Variants in EBF3 observed in about 807,000 individuals in gnomAD.
EBF3 encodes transcription factor COE3.
In EBF3, 18 loss-of-function variants were observed where a neutral mutation model predicts 77.1. That is an observed-to-expected ratio of 0.23 (90% confidence interval 0.16 to 0.35). The LOEUF (loss-of-function observed/expected upper bound fraction) is 0.35. Ranked by LOEUF, EBF3 falls within the 10% of genes least tolerant of loss-of-function variation. The probability of loss-of-function intolerance (pLI) is 1.00; values close to 1 mark genes in which losing one functional copy is unlikely to be tolerated. For missense variants in EBF3, 558 were observed against 860.0 expected (o/e 0.65, Z 4.39); for synonymous variants, 350 against 343.5 (o/e 1.02, Z -0.21).
At position 129,861,770 on chromosome 10, in the gene EBF3, G is replaced by A. The variant is rs1851655563; in HGVS notation, c.1039+5371C>T. Among the ~76,000 whole-genome samples the A allele has an allele frequency of 6.6e-6, 1 of 152,136 alleles. No individual in the cohort carries two copies. The highest frequency in any genetic ancestry group is 1.5e-5 in the Non-Finnish European group (1 of 68,022). On this transcript the variant is annotated intron_variant, in intron 10 of 16. Coordinates refer to ENST00000440978, the MANE Select transcript of EBF3 (RefSeq NM_001375380.1). This position sits in a 1 kb window ranked among gnomAD's most constrained non-coding sequence, Gnocchi z 4.3. The stretch of plus-strand genomic sequence containing the variant: ...TCCAGGACCCATGAGGAAAGCATGT[G>A]GTTTACATGGAAGGAAGGCATTAGC...
At position 129,922,498 on chromosome 10, in the gene EBF3, A is replaced by G. The variant is rs567440239; in HGVS notation, c.554+34760T>C. Among the ~76,000 whole-genome samples, 3 of 152,314 alleles carry G rather than the reference A, an allele frequency of 2.0e-5. No homozygotes were observed. The East Asian group carries it at 5.8e-4, about 29-fold the overall frequency. ...TGCCTTGGTCCTCCCTATACCCCAT[A>G]GCCCCTGGAGGGCAGGTCTGGGTTT... On this transcript the variant is annotated intron_variant, in intron 6 of 16. Transcript: ENST00000440978.
At position 129,963,186 on chromosome 10, in the gene EBF3, C is replaced by T; in HGVS notation, c.291+181G>A. On this transcript the variant is annotated intron_variant, in intron 2 of 16. Coordinates refer to ENST00000440978, the MANE Select transcript of EBF3 (RefSeq NM_001375380.1). The surrounding 1 kb of genome is among the most constrained non-coding windows in gnomAD (Gnocchi z 7.1). ...AGCGTTCTCCTCGCCCCGAGTAAGT[C>T]CGAGGGCGCAGAGAAGTTGCCCAGC... is the stretch of plus-strand genomic sequence containing the variant. 1 of 1,159,118 alleles carries T rather than the reference C, an allele frequency of 8.6e-7. No individual in the cohort carries two copies. Among genetic ancestry groups the T allele is most frequent in the Non-Finnish European group, 1.2e-6 (1 of 832,256 alleles). 71.8% of individuals were successfully genotyped at this position (1,159,118 alleles called of 1,614,324 possible).
At position 129,958,927 on chromosome 10, in the gene EBF3, C is replaced by A; in HGVS notation, c.485+7G>T. 3 of 1,588,650 alleles carry A rather than the reference C, an allele frequency of 1.9e-6. No homozygotes were observed. The highest frequency in any genetic ancestry group is 2.6e-6 in the Non-Finnish European group (3 of 1,169,770). ...CGCGCCCCCGCCGCCCGCCGCCCGC[C>A]GCTCACCTGCACATGATCTCGTGGG... On this transcript the variant is annotated splice_region_variant and intron_variant, in intron 5 of 16. Transcript: ENST00000440978.
Position 129,947,514 on chromosome 10 carries a change from C to T in EBF3, c.554+9744G>A, listed in dbSNP as rs903397051. Among the ~76,000 whole-genome samples, 1 of 152,130 alleles carries T rather than the reference C, an allele frequency of 6.6e-6. No individual in the cohort carries two copies. The highest frequency in any genetic ancestry group is 2.4e-5 in the African/African-American group (1 of 41,414). ...CCACGGTGCAGTATATTTGCCTTCCCAATAATTTAATCATTTTCCTTTTAT... is the reference window on the plus strand; with the variant it reads ...CCACGGTGCAGTATATTTGCCTTCCTAATAATTTAATCATTTTCCTTTTAT... On this transcript the variant is annotated intron_variant, in intron 6 of 16. Coordinates refer to ENST00000440978, the MANE Select transcript of EBF3 (RefSeq NM_001375380.1). This position sits in a 1 kb window ranked among gnomAD's most constrained non-coding sequence, Gnocchi z 4.5.
intron 8 of EBF3, 104 bp from the exon 9 acceptor site, chr10:129,868,016 G>A (rs1040251609): frequency 1.3e-4 from 198 of 1,501,430 alleles, no homozygotes; most frequent in East Asian, 4.4e-4. Flanking sequence ...GAGGAGAGGC[G>A]CGCCGTTCCT....
At chr10:129,918,756 C>T (rs920062748) in intron 6 of EBF3, among the ~76,000 whole-genome samples, 3 of 152,226 alleles carry the variant, frequency 2.0e-5, no homozygotes, top group Admixed American at 2.0e-4. Context: ...TCTGTCCTTG[C>T]TGGAATCTGG....
At position 129,943,210 on chromosome 10, in the gene EBF3, C is replaced by T. The variant is rs1045064130; in HGVS notation, c.554+14048G>A. Among the ~76,000 whole-genome samples, 9 of 152,320 alleles carry T rather than the reference C, an allele frequency of 5.9e-5. No homozygotes were observed. The highest frequency in any genetic ancestry group is 5.9e-4 in the Admixed American group (9 of 15,296). ...TTCATTGGGGCCAGGCCTGACCCGG[C>T]CTTCCCAGTTGGAGGGGATTTCAGC... On this transcript the variant is annotated intron_variant, in intron 6 of 16. Coordinates refer to ENST00000440978, the MANE Select transcript of EBF3 (RefSeq NM_001375380.1). The surrounding 1 kb of genome is among the most constrained non-coding windows in gnomAD (Gnocchi z 8.8).
Position 129,842,266 on chromosome 10 carries a change from T to C in EBF3, c.1222A>G (p.Ile408Val), listed in dbSNP as rs764405664. 6.2e-7 allele frequency: 1 copy of C among 1,607,754 alleles called. No individual in the cohort carries two copies. The highest frequency in any genetic ancestry group is 8.5e-7 in the Non-Finnish European group (1 of 1,176,504). The stretch of plus-strand genomic sequence containing the variant: ...GGAACGCTGTACAGCGCCTCGGCGA[T>C]GTCCGCCGCTCGCTTCAAGATGATC... ...QEIILKRAAD[I>V]AEALYSVPRN... is the part of the protein sequence containing the mutation. Residue 408 changes from isoleucine to valine, a missense_variant, in exon 13 of 17, where the codon ATC (isoleucine) becomes GTC (valine). By Grantham distance (29) the Ile-to-Val change is conservative. This residue lies in a region of EBF3 where 284 missense variants were observed against 368.3 expected (regional missense o/e 0.77). Coordinates refer to ENST00000440978, the MANE Select transcript of EBF3 (RefSeq NM_001375380.1). The surrounding 1 kb of genome is among the most constrained non-coding windows in gnomAD (Gnocchi z 4.4).
In EBF3 at chr10:129,964,004, G is replaced by C; in HGVS notation, c.-236C>G. 1 of 985,146 alleles carries C rather than the reference G, an allele frequency of 1.0e-6. No homozygotes were observed. The allele number at this position is 985,146 out of a possible 1,614,324, so 61.0% of individuals were successfully genotyped here. A position where few individuals can be genotyped will look rare whatever the true frequency, so the allele number is the denominator to read the frequency against. On this transcript the variant is annotated 5_prime_UTR_variant, in exon 1 of 17. Transcript: ENST00000440978. This position sits in a 1 kb window ranked among gnomAD's most constrained non-coding sequence, Gnocchi z 4.5. ...CCACCGGCGGCGGCGGCGCTTCGAA[G>C]GAGCAGGACGCGGTGGCCGCGGCGG...
chr10:129,837,244 AT>A lies in EBF3; in HGVS notation c.*698del, dbSNP rs577897452. 1.3e-5 allele frequency: 2 copies of A among 152,706 alleles called. No homozygotes were observed. The highest frequency in any genetic ancestry group is 2.4e-5 in the African/African-American group (1 of 41,462). The allele number at this position is 152,706 out of a possible 1,614,324, so 9.5% of individuals were successfully genotyped here. ...AATATTGGAACCAACAGACAGTAGC[AT>A]TTTTTCTCTGTCAGTGTGCTTGTTG... On this transcript the variant is annotated 3_prime_UTR_variant, in exon 17 of 17. Coordinates refer to ENST00000440978, the MANE Select transcript of EBF3 (RefSeq NM_001375380.1).
intron 10 of EBF3, among the ~76,000 whole-genome samples, chr10:129,852,701 T>G (rs1382264536): frequency 6.6e-6 from 1 of 152,226 alleles, no homozygotes; most frequent in Non-Finnish European, 1.5e-5. Context: ...ACTTCTGGGT[T>G]GATAACACAG....
At chr10:129,867,745 A>G (rs1852124029) in intron 9 of EBF3, 37 bp downstream of exon 9, 1 of 1,610,564 alleles carries the variant, frequency 6.2e-7, no homozygotes, top group East Asian at 2.2e-5. Context: ...TCATGAAGAC[A>G]GCAACAGCGC....
intron 10 of EBF3, among the ~76,000 whole-genome samples, chr10:129,859,015 A>T (rs1051449143): frequency 6.6e-6 from 1 of 152,142 alleles, no homozygotes; most frequent in Non-Finnish European, 1.5e-5. Context: ...CTCCGTAATG[A>T]CCCTTCGAGA....
At chr10:129,907,285 G>C (rs772615597) in intron 6 of EBF3, among the ~76,000 whole-genome samples, 1 of 152,228 alleles carries the variant, frequency 6.6e-6, no homozygotes, top group Admixed American at 6.5e-5. Context: ...CACGCCAAAG[G>C]CCCCTTGGCC....
intron 6 of EBF3, among the ~76,000 whole-genome samples, chr10:129,955,376 C>G (rs184471598): frequency 6.6e-5 from 10 of 152,248 alleles, no homozygotes; most frequent in Middle Eastern, 3.4e-3. Flanking sequence ...AGCTTCAATC[C>G]TCCTTATTCA....
intron 6 of EBF3, among the ~76,000 whole-genome samples, chr10:129,939,932 G>A (rs546928755): frequency 6.6e-6 from 1 of 152,228 alleles, no homozygotes; most frequent in Non-Finnish European, 1.5e-5. Context: ...TAGTGCTAGA[G>A]GGTCCCCCAT....
intron 6 of EBF3, among the ~76,000 whole-genome samples, chr10:129,950,886 G>T (rs1858626034): frequency 6.6e-6 from 1 of 152,186 alleles, no homozygotes; most frequent in African/African-American, 2.4e-5. Flanking sequence ...GCCAACTGCA[G>T]GTTAAGCTCC....
At chr10:129,945,867 A>G (rs10829663) in intron 6 of EBF3, among the ~76,000 whole-genome samples, 37,046 of 152,072 alleles carry the variant, frequency 0.24, 4,719 homozygotes, top group East Asian at 0.44. Flanking sequence ...ACTTGATAAC[A>G]AAACCTGCTA....
chr10:129,843,104 G>T (rs766795814), intron 12 of EBF3, 33 bp downstream of exon 12: 5 of 1,604,832 alleles, frequency 3.1e-6, no homozygotes, highest in Non-Finnish European at 4.3e-6. Context: ...GCATGGGGGG[G>T]AGGATGGGCG....
Sources: gnomAD v4.1 joint callset for allele counts (sites outside exome capture counted in the v4.1 genomes callset) on GRCh38, gnomAD v4.1.1 for gene constraint, gnomAD v4.1.1 regional missense constraint, Gnocchi (gnomAD v3.1) non-coding constraint, MANE v1.5 for transcripts, NCBI Gene and HGNC (gene_info 2026-07-23, HGNC 2026-07-21) for gene names.